JMJD1C: variants seen among roughly 807,000 people sequenced by gnomAD.
JMJD1C encodes jumonji domain-containing protein 1C.
A neutral mutation model predicts 245.3 loss-of-function variants in JMJD1C; 31 were observed. That is an observed-to-expected ratio of 0.13 (90% CI 0.09 to 0.17). The LOEUF is 0.17. JMJD1C is among the 10% of genes least tolerant of loss of function. JMJD1C has a pLI of 1.00. For missense variants in JMJD1C, 2,691 were observed against 3,000.2 expected, an observed-to-expected ratio of 0.90 and a Z score of 2.41; for synonymous variants, 1,057 against 1,017.4, an observed-to-expected ratio of 1.04 and a Z score of -0.74.
chr10:63,223,498 G>C (rs942484587), intron 3 of JMJD1C, among the ~76,000 whole-genome samples: 1 of 152,010 alleles, frequency 6.6e-6, no homozygotes, highest in African/African-American at 2.4e-5. Flanking sequence ...AAAGTGCAGG[G>C]ATTACAGGCA....
At chr10:63,264,006 AC>A (rs1432539337) in intron 3 of JMJD1C, among the ~76,000 whole-genome samples, 76 of 146,670 alleles carry the variant, frequency 5.2e-4, no homozygotes, top group South Asian at 1.1e-3. Context: ...ACACACACAC[AC>A]AATTCTGTGA....
chr10:63,194,963 C>G (rs1460438468), intron 13 of JMJD1C, among the ~76,000 whole-genome samples: 1 of 152,176 alleles, frequency 6.6e-6, no homozygotes, highest in East Asian at 1.9e-4. Flanking sequence ...ACCTTGATCT[C>G]AAGAACCTTC....
At chr10:63,269,147 C>T (rs1361245050) in intron 2 of JMJD1C, 1 of 985,352 alleles carries the variant, frequency 1.0e-6, no homozygotes, top group Non-Finnish European at 1.2e-6. Context: ...TGGAGAAAGC[C>T]TTTCCCACTG....
chr10:63,292,686 C>G (rs562142138), intron 2 of JMJD1C, among the ~76,000 whole-genome samples: 1 of 152,130 alleles, frequency 6.6e-6, no homozygotes, highest in African/African-American at 2.4e-5. Flanking sequence ...AAATCCACTT[C>G]GTCCATAGTC....
intron 3 of JMJD1C, among the ~76,000 whole-genome samples, chr10:63,245,214 T>G (rs1202564601): frequency 6.6e-6 from 1 of 151,644 alleles, no homozygotes; most frequent in African/African-American, 2.4e-5. Flanking sequence ...ATAACAATTT[T>G]TTAAAACCAA....
intron 2 of JMJD1C, among the ~76,000 whole-genome samples, chr10:63,376,793 A>G (rs1478730380): frequency 6.6e-6 from 1 of 152,208 alleles, no homozygotes; most frequent in Non-Finnish European, 1.5e-5. Flanking sequence ...TGAGGATGTA[A>G]AGAAACTGGA....
intron 24 of JMJD1C, among the ~76,000 whole-genome samples, chr10:63,172,804 A>C (rs966502905): frequency 6.6e-6 from 1 of 150,592 alleles, no homozygotes; most frequent in Non-Finnish European, 1.5e-5. Flanking sequence ...AAAGATTAAG[A>C]AGCACAAAAA....
intron 2 of JMJD1C, among the ~76,000 whole-genome samples, chr10:63,308,973 T>C (rs942250458): frequency 4.6e-5 from 7 of 151,958 alleles, no homozygotes; most frequent in African/African-American, 1.7e-4. Context: ...TGACAAAGGA[T>C]CAGAAAACAG....
intron 3 of JMJD1C, among the ~76,000 whole-genome samples, chr10:63,254,174 C>T (rs570266826): frequency 2.0e-5 from 3 of 151,658 alleles, no homozygotes; most frequent in South Asian, 2.1e-4. Context: ...TCAGAATACC[C>T]ATATGCACAA....
chr10:63,334,659 T>C (rs1476441399), intron 2 of JMJD1C, among the ~76,000 whole-genome samples: 1 of 151,614 alleles, frequency 6.6e-6, no homozygotes, highest in Non-Finnish European at 1.5e-5. Context: ...AGGTGGAGGT[T>C]GCAGCGAGCT....
intron 1 of JMJD1C, among the ~76,000 whole-genome samples, chr10:63,426,770 T>C (rs1247153170): frequency 6.6e-6 from 1 of 152,194 alleles, no homozygotes; most frequent in Admixed American, 6.5e-5. Context: ...ATATGAAGTT[T>C]TTTCCTTTTC....
At chr10:63,176,842 A>G (rs528377384) in intron 23 of JMJD1C, 223 of 150,720 alleles carry the variant, frequency 1.5e-3, no homozygotes, top group Non-Finnish European at 9.8e-4. Flanking sequence ...AACCATTCAT[A>G]TGTATGGATT....
chr10:63,381,938 G>A (rs551010479), intron 1 of JMJD1C, among the ~76,000 whole-genome samples: 3 of 152,186 alleles, frequency 2.0e-5, no homozygotes, highest in East Asian at 3.9e-4. Flanking sequence ...GTAGCCATAC[G>A]CGATGGCTCA....
At chr10:63,424,395 C>T (rs1441671512) in intron 1 of JMJD1C, among the ~76,000 whole-genome samples, 1 of 151,512 alleles carries the variant, frequency 6.6e-6, no homozygotes, top group Non-Finnish European at 1.5e-5. Flanking sequence ...AACAAAATGA[C>T]ACTTCTTCAT....
chr10:63,242,357 A>G (rs1183741667), intron 3 of JMJD1C, among the ~76,000 whole-genome samples: 1 of 152,220 alleles, frequency 6.6e-6, no homozygotes, highest in Non-Finnish European at 1.5e-5. Context: ...ATTTAGTTTT[A>G]TTTAATTTAC....
intron 2 of JMJD1C, among the ~76,000 whole-genome samples, chr10:63,304,935 A>C (rs1937802573): frequency 6.6e-6 from 1 of 152,078 alleles, no homozygotes; most frequent in Admixed American, 6.6e-5. Flanking sequence ...GGAATTTGAG[A>C]ACACTTAGAC....
chr10:63,382,890 TCAACTC>T (rs1233607203), intron 1 of JMJD1C: 5 of 455,714 alleles, frequency 1.1e-5, no homozygotes, highest in African/African-American at 8.0e-5. Context: ...TCCCCCAACT[TCAACTC>T]CAACTTAGCT....
intron 17 of JMJD1C, 144 bp from the exon 18 acceptor site, chr10:63,189,590 G>A: frequency 1.4e-6 from 1 of 720,074 alleles, no homozygotes; most frequent in Non-Finnish European, 2.2e-6. Context: ...CTATATTCCT[G>A]ACAAAATGCA....
chr10:63,494,266 GC>G (rs1954279777), intron 1 of JMJD1C, among the ~76,000 whole-genome samples: 1 of 151,606 alleles, frequency 6.6e-6, no homozygotes, highest in Admixed American at 6.6e-5. Context: ...AGCTGAGATT[GC>G]GCCACTGCAC....
Sources: gnomAD v4.1 joint callset for allele counts (sites outside exome capture counted in the v4.1 genomes callset) on GRCh38, gnomAD v4.1.1 for gene constraint, MANE v1.5 for transcripts, NCBI Gene and HGNC (gene_info 2026-07-23, HGNC 2026-07-21) for gene names.